Variants in INPP5F observed in about 807,000 individuals in gnomAD.
INPP5F encodes phosphatidylinositide 4-phosphatase SAC2.
A neutral mutation model predicts 137.2 loss-of-function variants in INPP5F; 97 were observed. The ratio of observed to expected loss-of-function variants is 0.71; its 90% CI spans 0.60 to 0.84. The LOEUF is 0.84. Ranked by LOEUF, INPP5F falls within the 40% of genes least tolerant of loss-of-function variation. INPP5F has a pLI of 0.00. For missense variants in INPP5F, 1,271 were observed against 1,371.9 expected (o/e 0.93, Z 1.16); for synonymous variants, 504 against 476.9 (o/e 1.06, Z -0.74).
Position 119,811,936 on chromosome 10 carries a change from C to G in INPP5F, c.1867C>G (p.Leu623Val). 2 of 1,614,096 alleles carry G rather than the reference C, an allele frequency of 1.2e-6. No individual in the cohort carries two copies. The highest frequency in any genetic ancestry group is 1.7e-6 in the Non-Finnish European group (2 of 1,179,968). ...TGAGAAGTTCCATGGGGGCTGGGCC[C>G]TCATTGACTGTGACCCTAGGTGAGT... Reference protein sequence around the residue: ...DDEKFHGGWALIDCDPSLIDA... With the variant: ...DDEKFHGGWAVIDCDPSLIDA... The change falls in exon 15 of 20, where the codon CTC (leucine) becomes GTC (valine). Residue 623 changes from leucine (L) to valine (V), a missense_variant. Transcript: ENST00000650623.
At chr10:119,755,840 C>T (rs1848824369) in intron 2 of INPP5F, among the ~76,000 whole-genome samples, 1 of 152,186 alleles carries the variant, frequency 6.6e-6, no homozygotes, top group Non-Finnish European at 1.5e-5. Context: ...TAATAAAACT[C>T]ACATAAAGTG....
At chr10:119,791,495 T>C (rs755568044) in intron 3 of INPP5F, 22 bp from the exon 4 acceptor site, 2 of 1,571,384 alleles carry the variant, frequency 1.3e-6, no homozygotes, top group South Asian at 2.2e-5. Context: ...TAATAACAAA[T>C]CATCTTTCTC....
chr10:119,827,298 C>T lies in INPP5F; in HGVS notation c.2917C>T (p.His973Tyr). Residue 973 changes from histidine to tyrosine, a missense_variant, in exon 20 of 20, where the codon CAC (histidine) becomes TAC (tyrosine). Physicochemically the swap from His to Tyr is moderately conservative, Grantham distance 83. Coordinates refer to ENST00000650623, the MANE Select transcript of INPP5F (RefSeq NM_014937.4). Reference sequence around the variant, plus strand: ...GCAAGATGCACAGAACAAAGTGACCCACCTATCAGAGACCAGATCTGTGTC... The same window carrying T: ...GCAAGATGCACAGAACAAAGTGACCTACCTATCAGAGACCAGATCTGTGTC... ...FVQDAQNKVT[H>Y]LSETRSVSQQ... is the part of the protein sequence containing the mutation. 1.2e-6 allele frequency: 2 copies of T among 1,614,104 alleles called. No individual in the cohort carries two copies. Among genetic ancestry groups the T allele is most frequent in the Middle Eastern group, 1.6e-4 (1 of 6,062 alleles).
At chr10:119,770,629 T>C (rs1388560954) in intron 2 of INPP5F, among the ~76,000 whole-genome samples, 2 of 152,232 alleles carry the variant, frequency 1.3e-5, no homozygotes, top group African/African-American at 4.8e-5. Flanking sequence ...ATTGCTATTA[T>C]TTTCTGTGAG....
chr10:119,746,116 C>T (rs1848524697), intron 1 of INPP5F, among the ~76,000 whole-genome samples: 1 of 152,084 alleles, frequency 6.6e-6, no homozygotes, highest in East Asian at 1.9e-4. Context: ...ACACTGTTTG[C>T]TTCATTATTT....
At position 119,791,549 on chromosome 10, in the gene INPP5F, A is replaced by G; in HGVS notation, c.348A>G (p.Lys116=). ...LCKKHHFGIN[K]PEKIIPSPDD... ...AGAAGCATCATTTTGGTATTAACAA[A>G]CCAGAGAAGATCATACCATCTCCTG... Residue 116 remains lysine, a synonymous_variant, in exon 4 of 20, where the codon AAA becomes AAG. Coordinates refer to ENST00000650623, the MANE Select transcript of INPP5F (RefSeq NM_014937.4). 1.2e-6 allele frequency: 2 copies of G among 1,603,494 alleles called. No individual in the cohort carries two copies. Among genetic ancestry groups the G allele is most frequent in the South Asian group, 2.2e-5 (2 of 90,858 alleles).
chr10:119,806,445 C>T lies in INPP5F; in HGVS notation c.1405C>T (p.Gln469Ter). Residue 469 changes from glutamine (Q) to a stop codon, truncating the protein, a stop_gained, in exon 12 of 20, where the codon CAA becomes TAA. Coordinates refer to ENST00000650623, the MANE Select transcript of INPP5F (RefSeq NM_014937.4). LOFTEE classifies it high-confidence loss of function. ...CTGCCTGGATCGCACCAACGTGGTC[C>T]AAGCTGCCATCGCGAGAGTGGTCAT... ...MDCLDRTNVVQAAIARVVMEQ... is the reference protein window; with the variant it reads ...MDCLDRTNVV 4 of 1,608,686 alleles carry T rather than the reference C, an allele frequency of 2.5e-6. No homozygotes were observed. The highest frequency in any genetic ancestry group is 2.2e-5 in the East Asian group (1 of 44,666).
intron 15 of INPP5F, chr10:119,815,750 G>C (rs577500769): frequency 2.4e-4 from 44 of 182,198 alleles, no homozygotes; most frequent in Non-Finnish European, 4.1e-4. Flanking sequence ...GGACACAAGG[G>C]TCACTGACTT....
intron 2 of INPP5F, among the ~76,000 whole-genome samples, chr10:119,775,669 A>C (rs1849500782): frequency 6.6e-6 from 1 of 151,992 alleles, no homozygotes; most frequent in Non-Finnish European, 1.5e-5. Context: ...GTCATTGGAA[A>C]AAAAAAAAGT....
Position 119,827,306 on chromosome 10 carries a change from A to G in INPP5F, c.2925A>G (p.Ser975=). ...QDAQNKVTHL[S]ETRSVSQQAS... The stretch of plus-strand genomic sequence containing the variant: ...CACAGAACAAAGTGACCCACCTATC[A>G]GAGACCAGATCTGTGTCTCAGCAGG... The change falls in exon 20 of 20, where the codon TCA becomes TCG. Residue 975 remains serine (S), a synonymous_variant. Transcript: ENST00000650623. 6.2e-7 allele frequency: 1 copy of G among 1,614,076 alleles called. No individual in the cohort carries two copies. Among genetic ancestry groups the G allele is most frequent in the Non-Finnish European group, 8.5e-7 (1 of 1,179,934 alleles).
chr10:119,812,532 G>T (rs1375274833), intron 15 of INPP5F, among the ~76,000 whole-genome samples: 1 of 152,106 alleles, frequency 6.6e-6, no homozygotes, highest in East Asian at 1.9e-4. Context: ...GACATTTTGG[G>T]AAATTGTAGC....
intron 8 of INPP5F, 37 bp from the exon 9 acceptor site, chr10:119,798,506 G>C: frequency 1.3e-6 from 2 of 1,482,446 alleles, no homozygotes; most frequent in Non-Finnish European, 1.9e-6. Context: ...TCTTAAACAT[G>C]GGAAGGAAAA....
chr10:119,809,050 C>G (rs946888543), intron 13 of INPP5F, among the ~76,000 whole-genome samples: 3 of 151,948 alleles, frequency 2.0e-5, no homozygotes, highest in Non-Finnish European at 4.4e-5. Context: ...AAGGTGAAAC[C>G]CTGTCTCTAC....
At chr10:119,730,962 T>C (rs926375696) in intron 1 of INPP5F, among the ~76,000 whole-genome samples, 1 of 152,052 alleles carries the variant, frequency 6.6e-6, no homozygotes, top group Non-Finnish European at 1.5e-5. Context: ...TAATTTTTTG[T>C]ATTTTTAGTA....
At chr10:119,819,496 G>C in intron 15 of INPP5F, 2 of 1,604,564 alleles carry the variant, frequency 1.2e-6, no homozygotes, top group Non-Finnish European at 1.7e-6. Flanking sequence ...GTGTCATGAC[G>C]TAATTTTTAT....
intron 1 of INPP5F, among the ~76,000 whole-genome samples, chr10:119,733,057 T>G (rs1006527943): frequency 2.0e-5 from 3 of 152,216 alleles, no homozygotes; most frequent in Non-Finnish European, 4.4e-5. Context: ...TGTGAACCTT[T>G]CTACCTTCTT....
At chr10:119,783,468 C>T (rs1275662388) in intron 3 of INPP5F, among the ~76,000 whole-genome samples, 5 of 152,168 alleles carry the variant, frequency 3.3e-5, no homozygotes, top group African/African-American at 7.2e-5. Context: ...CCCAGTTCTT[C>T]GGAAATTAAA....
chr10:119,780,726 C>CATTAA (rs1849673322), intron 2 of INPP5F, among the ~76,000 whole-genome samples: 1 of 152,184 alleles, frequency 6.6e-6, no homozygotes, highest in Non-Finnish European at 1.5e-5. Flanking sequence ...CTGTACTGGA[C>CATTAA]ATGTATAGAC....
chr10:119,804,674 T>C (rs180796454), intron 10 of INPP5F, among the ~76,000 whole-genome samples: 83 of 152,004 alleles, frequency 5.5e-4, no homozygotes, highest in African/African-American at 1.9e-3. Flanking sequence ...GTAGTGATAC[T>C]TCTTTCTCGA....
Sources: allele counts gnomAD v4.1 joint callset (sites outside exome capture counted in the v4.1 genomes callset), GRCh38; gene constraint gnomAD v4.1.1; transcripts MANE v1.5; gene names NCBI Gene and HGNC (gene_info 2026-07-23, HGNC 2026-07-21).